TATDN3: variants seen among roughly 807,000 people sequenced by gnomAD.
TATDN3 encodes the protein TatD DNase domain containing 3, also known as deoxyribonuclease TATDN3.
In TATDN3, 29 loss-of-function variants were observed where a neutral mutation model predicts 40.1. The ratio of observed to expected loss-of-function variants is 0.72; its 90% CI spans 0.54 to 0.99. TATDN3 has a LOEUF of 0.99. Among genes scored for constraint, TATDN3 ranks in the 50% least tolerant of loss-of-function variants. The pLI is 0.00. For synonymous variants in TATDN3, 105 were observed against 117.0 expected (o/e 0.90, Z 0.66); for missense variants, 309 against 321.9 (o/e 0.96, Z 0.31).
At chr1:212,808,476 A>G (rs1171718280) in intron 8 of TATDN3, among the ~76,000 whole-genome samples, 1 of 152,190 alleles carries the variant, frequency 6.6e-6, no homozygotes, top group Non-Finnish European at 1.5e-5. Flanking sequence ...TTCACAATAA[A>G]AAATTTAAGA....
At chr1:212,805,360 ATTC>A (rs1467640628) in intron 7 of TATDN3, among the ~76,000 whole-genome samples, 1 of 152,120 alleles carries the variant, frequency 6.6e-6, no homozygotes, top group East Asian at 1.9e-4. Flanking sequence ...GGTTCAAGCT[ATTC>A]TTCTGCTTCA....
chr1:212,795,156 G>A (rs780782837), intron 2 of TATDN3, 29 bp downstream of exon 2: 1 of 1,594,100 alleles, frequency 6.3e-7, no homozygotes, highest in Non-Finnish European at 8.6e-7. Flanking sequence ...TTGCTCTTTT[G>A]GTTTTTTATT....
chr1:212,814,017 A>G (rs947695788), intron 9 of TATDN3, among the ~76,000 whole-genome samples: 1 of 151,950 alleles, frequency 6.6e-6, no homozygotes, highest in Admixed American at 6.6e-5. Flanking sequence ...ACAAGGTCTC[A>G]CTATGTTGCC....
rs147882256 is a variant in TATDN3, at chr1:212,798,333, A to G, written c.258+1137A>G. The stretch of plus-strand genomic sequence containing the variant: ...AGAGTGAGACTCCATCTCAAAAAAA[A>G]AATAATAATAATAATGTATCTCTCT... On this transcript the variant is annotated intron_variant, in intron 4 of 9. Coordinates refer to ENST00000366974, the MANE Select transcript of TATDN3 (RefSeq NM_001042552.3). 5.6e-3 allele frequency among the ~76,000 whole-genome samples: 856 copies of G among 151,938 alleles called. 10 individuals are homozygous for G. Among genetic ancestry groups the G allele is most frequent in the African/African-American group, 0.02 (816 of 41,430 alleles).
At chr1:212,796,427 A>T in intron 2 of TATDN3, 90 bp from the exon 3 acceptor site, 1 of 991,252 alleles carries the variant, frequency 1.0e-6, no homozygotes, top group South Asian at 2.3e-5. Context: ...CTGAACAAGG[A>T]TAACTAAAAT....
chr1:212,795,262 TTTTA>T (rs143072334), intron 2 of TATDN3, 135 bp downstream of exon 2: 76 of 299,624 alleles, frequency 2.5e-4, no homozygotes, highest in Non-Finnish European at 3.1e-4. Flanking sequence ...ATTTTTATTA[TTTTA>T]TTTATTTATT....
chr1:212,800,717 C>G (rs1662119307), intron 4 of TATDN3, among the ~76,000 whole-genome samples: 1 of 151,994 alleles, frequency 6.6e-6, no homozygotes, highest in Non-Finnish European at 1.5e-5. Flanking sequence ...CTTCTTTCAG[C>G]AGCATGGTGG....
intron 1 of TATDN3, chr1:212,792,990 A>G (rs1035046848): frequency 1.3e-5 from 2 of 152,200 alleles, no homozygotes; most frequent in African/African-American, 4.8e-5. Context: ...GGGTGAGTGT[A>G]TGCTGGTTAG....
At chr1:212,794,988 T>G in intron 1 of TATDN3, 107 bp from the exon 2 acceptor site, 1 of 854,974 alleles carries the variant, frequency 1.2e-6, no homozygotes, top group East Asian at 2.5e-5. Context: ...CTCCATTAGT[T>G]GCTATCATTG....
chr1:212,797,394 A>G, intron 4 of TATDN3, 198 bp downstream of exon 4: 1 of 549,866 alleles, frequency 1.8e-6, no homozygotes, highest in South Asian at 2.4e-5. Context: ...GTTCAGAAAC[A>G]AAGGAATCAT....
chr1:212,796,500 CT>C lies in TATDN3; in HGVS notation c.100-4del, dbSNP rs11421046. 48,357 of 1,266,700 alleles carry C rather than the reference CT, an allele frequency of 0.038. 65 individuals are homozygous for C. Among genetic ancestry groups the C allele is most frequent in the African/African-American group, 0.077 (4,805 of 62,458 alleles). The allele number at this position is 1,266,700 out of a possible 1,614,324, so 78.5% of individuals were successfully genotyped here. On this transcript the variant is annotated splice_polypyrimidine_tract_variant and intron_variant, in intron 2 of 9. Coordinates refer to ENST00000366974, the MANE Select transcript of TATDN3 (RefSeq NM_001042552.3). ...AATGTATATTGTTTGTAACTTTATT[CT>C]TTTTTTTTTTTTCAGGCCAATGTTG...
At position 212,797,238 on chromosome 1, in the gene TATDN3, C is replaced by G. The variant is rs371238512; in HGVS notation, c.258+42C>G. The G allele has an allele frequency of 1.4e-5, 20 of 1,458,506 alleles. No individual in the cohort carries two copies. In the East Asian group the frequency reaches 4.6e-4, roughly 33 times the overall value. The allele number at this position is 1,458,506 out of a possible 1,614,324, so 90.3% of individuals were successfully genotyped here. ...ACAGGAACCATTAAAAACAAACAAA[C>G]GAAAGAATTATTTGACTCAGTAATC... is the stretch of plus-strand genomic sequence containing the variant. On this transcript the variant is annotated intron_variant, in intron 4 of 9. Transcript: ENST00000366974.
At chr1:212,792,435 G>T (rs1368898725) in intron 1 of TATDN3, among the ~76,000 whole-genome samples, 1 of 149,004 alleles carries the variant, frequency 6.7e-6, no homozygotes, top group African/African-American at 2.5e-5. Context: ...CCAGGAGATC[G>T]TGACCAGCCT....
chr1:212,815,298 T>C lies in TATDN3; in HGVS notation c.*142T>C, dbSNP rs1252204676. 2.0e-6 allele frequency: 2 copies of C among 1,023,370 alleles called. No homozygotes were observed. The highest frequency in any genetic ancestry group is 1.7e-5 in the African/African-American group (1 of 60,068). 63.4% of individuals were successfully genotyped at this position (1,023,370 alleles called of 1,614,324 possible). A position where few individuals can be genotyped will look rare whatever the true frequency, so the allele number is the denominator to read the frequency against. On this transcript the variant is annotated 3_prime_UTR_variant, in exon 10 of 10. Coordinates refer to ENST00000366974, the MANE Select transcript of TATDN3 (RefSeq NM_001042552.3). Reference sequence around the variant, plus strand: ...TGTAATTGTAGAGAAATATTTCTCTTAGAAATAAAACTGGGCTTGGATCCT... The same window carrying C: ...TGTAATTGTAGAGAAATATTTCTCTCAGAAATAAAACTGGGCTTGGATCCT...
At position 212,804,443 on chromosome 1, in the gene TATDN3, T is replaced by C. The variant is rs760004251; in HGVS notation, c.431+14T>C. ...AAATTTGCCTGTGTAGGTTAATTAT[T>C]TTCCTATGTTAATAGCTATAGAGCA... On this transcript the variant is annotated intron_variant, in intron 6 of 9. Coordinates refer to ENST00000366974, the MANE Select transcript of TATDN3 (RefSeq NM_001042552.3). 5.6e-6 allele frequency: 9 copies of C among 1,601,580 alleles called. No homozygotes were observed. The South Asian group carries it at 9.9e-5, about 18-fold the overall frequency.
intron 1 of TATDN3, chr1:212,792,998 T>C (rs1661460484): frequency 6.6e-6 from 1 of 151,908 alleles, no homozygotes; most frequent in Non-Finnish European, 1.5e-5. Context: ...GTATGCTGGT[T>C]AGGGAAACAG....
chr1:212,809,528 C>CA (rs1459448754), intron 8 of TATDN3, among the ~76,000 whole-genome samples: 3 of 151,824 alleles, frequency 2.0e-5, no homozygotes, highest in Non-Finnish European at 4.4e-5. Flanking sequence ...ACTAAAAATA[C>CA]AAAAAATTAG....
intron 5 of TATDN3, among the ~76,000 whole-genome samples, chr1:212,803,436 C>T (rs111331160): frequency 0.024 from 3,724 of 152,006 alleles, 142 homozygotes; most frequent in African/African-American, 0.082. Flanking sequence ...CACCCACCTT[C>T]GCCTCCCAAA....
intron 8 of TATDN3, among the ~76,000 whole-genome samples, chr1:212,812,033 C>T (rs1467761060): frequency 6.6e-6 from 1 of 152,014 alleles, no homozygotes; most frequent in Non-Finnish European, 1.5e-5. Context: ...CGGGGTTTCA[C>T]CATGTTGGTC....
Sources: allele counts gnomAD v4.1 joint callset (sites outside exome capture counted in the v4.1 genomes callset), GRCh38; gene constraint gnomAD v4.1.1; transcripts MANE v1.5; gene names NCBI Gene and HGNC (gene_info 2026-07-23, HGNC 2026-07-21).